The following MYH3 variants were observed in gnomAD, a reference collection of about 807,000 sequenced individuals.
MYH3 encodes the protein myosin-3.
A neutral mutation model predicts 238.0 loss-of-function variants in MYH3; 130 were observed. The ratio of observed to expected loss-of-function variants is 0.55; its 90% confidence interval spans 0.47 to 0.63. MYH3 has a LOEUF of 0.63. MYH3 is among the 30% of genes least tolerant of loss of function. MYH3 has a pLI of 0.00. For missense variants in MYH3, 1,853 were observed against 2,374.9 expected (o/e 0.78, Z 4.57); for synonymous variants, 880 against 924.1 (o/e 0.95, Z 0.86).
chr17:10,635,256 G>T (rs748404154), intron 30 of MYH3, 111 bp downstream of exon 30: 195 of 1,559,388 alleles, frequency 1.3e-4, no homozygotes, highest in Non-Finnish European at 2.0e-5. Flanking sequence ...CCCTCTAATG[G>T]CCCAGCACCG....
intron 3 of MYH3, 143 bp from the exon 4 acceptor site, chr17:10,652,706 C>T: frequency 2.2e-6 from 2 of 921,938 alleles, no homozygotes; most frequent in Non-Finnish European, 3.2e-6. Flanking sequence ...ACTGCAAGCT[C>T]CACCTCCCGG....
Position 10,649,606 on chromosome 17 carries a change from G to T in MYH3, c.613C>A (p.Leu205Met). 6.2e-7 allele frequency: 1 copy of T among 1,614,224 alleles called. No homozygotes were observed. The highest frequency in any genetic ancestry group is 8.5e-7 in the Non-Finnish European group (1 of 1,180,030). ...ATTTTGGAGTCCTTCTTCTTGGCCAGGTCCCCAGTAGCTGCAATTGTTGCA... is the reference window on the plus strand; with the variant it reads ...ATTTTGGAGTCCTTCTTCTTGGCCATGTCCCCAGTAGCTGCAATTGTTGCA... The part of the protein sequence containing the change: ...YFATIAATGD[L>M]AKKKDSKMKG... Residue 205 changes from leucine to methionine, a missense_variant, in exon 7 of 41, where the codon CTG becomes ATG. Physicochemically the swap from Leu to Met is conservative, Grantham distance 15 (BLOSUM62 2). This residue lies in a region of MYH3 where 678 missense variants were observed against 1,058.9 expected (regional missense o/e 0.64). Transcript: ENST00000583535.
chr17:10,632,127 TTTTGTTTG>T (rs548894087), intron 34 of MYH3, 111 bp from the exon 35 acceptor site: 1 of 1,202,076 alleles, frequency 8.3e-7, no homozygotes, highest in East Asian at 2.5e-5. Flanking sequence ...TTTTGTTTTG[TTTTGTTTG>T]TTTTGAGACA....
At chr17:10,644,826 T>C in intron 12 of MYH3, 124 bp from the exon 13 acceptor site, 1 of 770,704 alleles carries the variant, frequency 1.3e-6, no homozygotes, top group South Asian at 1.5e-5. Context: ...CTAAACTGCA[T>C]ATACATGGCC....
chr17:10,639,236 G>C (rs1268446490), intron 24 of MYH3, 47 bp from the exon 25 acceptor site: 1 of 1,613,924 alleles, frequency 6.2e-7, no homozygotes, highest in Non-Finnish European at 8.5e-7. Context: ...TTTGCAAGAG[G>C]ACCCTTGAGG....
chr17:10,639,596 G>T lies in MYH3; in HGVS notation c.2889C>A (p.Ala963=). The T allele has an allele frequency of 6.2e-7, 1 of 1,614,012 alleles. No homozygotes were observed. Among genetic ancestry groups the T allele is most frequent in the Non-Finnish European group, 8.5e-7 (1 of 1,180,004 alleles). Residue 963 remains alanine, a synonymous_variant, in exon 23 of 41, where the codon GCC becomes GCA. Transcript: ENST00000583535. Reference sequence around the variant, plus strand: ...TGGCATGCTTCTCCTTCTCAACCTTGGCCAGGGTCAACTCAAGGTCATCAA... The same window carrying T: ...TGGCATGCTTCTCCTTCTCAACCTTTGCCAGGGTCAACTCAAGGTCATCAA... ...KDIDDLELTL[A]KVEKEKHATE...
intron 14 of MYH3, among the ~76,000 whole-genome samples, chr17:10,643,462 G>A (rs1025936262): frequency 6.6e-6 from 1 of 151,332 alleles, no homozygotes; most frequent in African/African-American, 2.4e-5. Flanking sequence ...TGCAACCTCC[G>A]CCTCCCAGGT....
At chr17:10,653,932 C>G (rs1462924620) in intron 3 of MYH3, among the ~76,000 whole-genome samples, 1 of 152,150 alleles carries the variant, frequency 6.6e-6, no homozygotes, top group Non-Finnish European at 1.5e-5. Context: ...CTTTTCGGAG[C>G]TCCAATGCTT....
chr17:10,671,051 C>A, the MYH3 span, among the ~76,000 whole-genome samples: 1 of 152,086 alleles, frequency 6.6e-6, no homozygotes, highest in South Asian at 2.1e-4. Flanking sequence ...CCACCACGCC[C>A]AGCTAATTTT....
Position 10,637,887 on chromosome 17 carries a change from C to T in MYH3, c.3778G>A (p.Ala1260Thr). The stretch of plus-strand genomic sequence containing the variant: ...TGAATTTCCTCATTCTTGCCCCTGG[C>T]CTCACTTAACTGATCCTCCAGGGTT... ...CRTLEDQLSE[A>T]RGKNEEIQRS... Residue 1260 changes from alanine (A) to threonine (T), a missense_variant, in exon 28 of 41, where the codon GCC (alanine) becomes ACC (threonine). Coordinates refer to ENST00000583535, the MANE Select transcript of MYH3 (RefSeq NM_002470.4). 6.2e-7 allele frequency: 1 copy of T among 1,614,116 alleles called. No homozygotes were observed. The highest frequency in any genetic ancestry group is 8.5e-7 in the Non-Finnish European group (1 of 1,180,034).
At position 10,635,426 on chromosome 17, in the gene MYH3, C is replaced by A. The variant is rs1171688131; in HGVS notation, c.4113G>T (p.Gln1371His). ...ALSKANSEVAQWRTKYETDAI... is the reference protein window; with the variant it reads ...ALSKANSEVAHWRTKYETDAI... ...CGTCCGTCTCGTATTTGGTTCTCCACTGGGCAACCTCACTATTGGCCTTGG... is the reference window on the plus strand; with the variant it reads ...CGTCCGTCTCGTATTTGGTTCTCCAATGGGCAACCTCACTATTGGCCTTGG... The change falls in exon 30 of 41, where the codon CAG becomes CAT. Residue 1371 changes from glutamine (Q) to histidine (H), a missense_variant. Gln to His is a conservative substitution (Grantham distance 24). Coordinates refer to ENST00000583535, the MANE Select transcript of MYH3 (RefSeq NM_002470.4). 5 of 1,614,094 alleles carry A rather than the reference C, an allele frequency of 3.1e-6. No individual in the cohort carries two copies. Among genetic ancestry groups the A allele is most frequent in the Non-Finnish European group, 4.2e-6 (5 of 1,179,920 alleles).
chr17:10,640,513 C>G (rs779909247), intron 20 of MYH3, 44 bp from the exon 21 acceptor site: 1 of 1,614,242 alleles, frequency 6.2e-7, no homozygotes, highest in South Asian at 1.1e-5. Context: ...CCTAGAGAAG[C>G]TGTGTCAAGA....
At chr17:10,657,821 A>T (rs139895638), upstream of MYH3, among the ~76,000 whole-genome samples, 16 of 145,022 alleles carry the variant, frequency 1.1e-4, no homozygotes, top group Middle Eastern at 3.4e-3. Flanking sequence ...GGAATAATTA[A>T]TAATAATAAT....
intron 28 of MYH3, among the ~76,000 whole-genome samples, chr17:10,636,199 T>C (rs551831629): frequency 6.8e-6 from 1 of 147,252 alleles, no homozygotes; most frequent in East Asian, 2.0e-4. Context: ...TGGGCACCTG[T>C]AGTCCCAGCT....
chr17:10,638,527 C>T, intron 26 of MYH3, 95 bp from the exon 27 acceptor site: 2 of 1,527,398 alleles, frequency 1.3e-6, no homozygotes, highest in Non-Finnish European at 1.8e-6. Context: ...ATTAGACAAA[C>T]TGAGTCTTAG....
chr17:10,646,151 G>A, intron 10 of MYH3, 119 bp from the exon 11 acceptor site: 1 of 827,836 alleles, frequency 1.2e-6, no homozygotes, highest in Non-Finnish European at 2.0e-6. Flanking sequence ...ATTGAACTTA[G>A]AATTAAAAAT....
intron 6 of MYH3, 30 bp from the exon 7 acceptor site, chr17:10,649,715 G>T (rs1358817079): frequency 1.2e-6 from 2 of 1,602,476 alleles, no homozygotes; most frequent in East Asian, 2.2e-5. Flanking sequence ...GAGAGAGAAA[G>T]AAACAAGTCT....
At chr17:10,678,262 GA>G in the MYH3 span, 1 of 152,174 alleles carries the variant, frequency 6.6e-6, no homozygotes, top group East Asian at 1.9e-4. Context: ...GAACAAACAG[GA>G]ACCTACCTAG....
intron 3 of MYH3, 46 bp from the exon 4 acceptor site, chr17:10,652,609 C>CT (rs149916956): frequency 0.013 from 5,526 of 424,482 alleles, 90 homozygotes; most frequent in East Asian, 0.039. Context: ...GTCTGCACGT[C>CT]TTTTTTTTTT....
Sources: gnomAD v4.1 joint callset for allele counts (sites outside exome capture counted in the v4.1 genomes callset) on GRCh38, gnomAD v4.1.1 for gene constraint, gnomAD v4.1.1 regional missense constraint, MANE v1.5 for transcripts, NCBI Gene and HGNC (gene_info 2026-07-23, HGNC 2026-07-21) for gene names.